The following MAP6 variants were observed in gnomAD, a reference collection of about 807,000 sequenced individuals.
MAP6 encodes the protein microtubule-associated protein 6.
Under a neutral mutation model 42.4 loss-of-function variants are expected in MAP6, and 26 were observed. That is an observed-to-expected ratio of 0.61 (90% CI 0.45 to 0.85). The LOEUF is 0.85. Among genes scored for constraint, MAP6 ranks in the 40% least tolerant of loss-of-function variants. The probability of loss-of-function intolerance (pLI) is 0.00; values close to 1 mark genes in which losing one functional copy is unlikely to be tolerated. For synonymous variants in MAP6, 418 were observed against 443.8 expected, an observed-to-expected ratio of 0.94 and a Z score of 0.73; for missense variants, 966 against 1,099.0, an observed-to-expected ratio of 0.88 and a Z score of 1.71.
intron 1 of MAP6, among the ~76,000 whole-genome samples, chr11:75,624,932 C>A (rs1310332364): frequency 6.6e-6 from 1 of 152,164 alleles, no homozygotes; most frequent in Admixed American, 6.5e-5. Flanking sequence ...ATTGAGGATG[C>A]ATCCTAGAGT....
chr11:75,611,665 T>G (rs1194455605), intron 1 of MAP6, among the ~76,000 whole-genome samples: 1 of 152,210 alleles, frequency 6.6e-6, no homozygotes, highest in South Asian at 2.1e-4. Context: ...TTCTTTGAAC[T>G]CTCCATAAAA....
At chr11:75,628,362 C>T (rs1943231251) in intron 1 of MAP6, among the ~76,000 whole-genome samples, 1 of 152,134 alleles carries the variant, frequency 6.6e-6, no homozygotes, top group Non-Finnish European at 1.5e-5. Flanking sequence ...GGGTGGGGGC[C>T]TCCAAAGAAC....
chr11:75,631,351 C>T (rs567831456), intron 1 of MAP6, among the ~76,000 whole-genome samples: 2 of 152,332 alleles, frequency 1.3e-5, no homozygotes, highest in South Asian at 2.1e-4. Context: ...TAAGCCTCAG[C>T]TTCCTCATCT....
intron 1 of MAP6, among the ~76,000 whole-genome samples, chr11:75,620,711 G>A (rs542394304): frequency 1.3e-5 from 2 of 152,198 alleles, no homozygotes; most frequent in South Asian, 2.1e-4. Context: ...TTAAACACCA[G>A]GACAAAGTAA....
chr11:75,617,631 G>A (rs979259829), intron 1 of MAP6, among the ~76,000 whole-genome samples: 2 of 151,602 alleles, frequency 1.3e-5, no homozygotes, highest in African/African-American at 4.9e-5. Flanking sequence ...GAAAAATGGT[G>A]CAAAATAAGA....
chr11:75,642,599 A>C (rs1943491199), intron 1 of MAP6: 1 of 179,850 alleles, frequency 5.6e-6, no homozygotes, highest in Admixed American at 5.7e-5. Context: ...GAAGCAAGAC[A>C]ATGAAGAGAA....
intron 1 of MAP6, among the ~76,000 whole-genome samples, chr11:75,651,631 G>A (rs773476065): frequency 1.4e-4 from 22 of 152,162 alleles, no homozygotes; most frequent in Non-Finnish European, 2.9e-4. Flanking sequence ...TGTACCTTGC[G>A]TTCTTGGTTG....
At chr11:75,589,690 G>A (rs1380415771) in intron 3 of MAP6, among the ~76,000 whole-genome samples, 17 of 152,194 alleles carry the variant, frequency 1.1e-4, no homozygotes, top group Admixed American at 1.1e-3. Flanking sequence ...AATGCAAGGT[G>A]ACTATTACTA....
At chr11:75,645,290 T>C (rs377628997) in intron 1 of MAP6, among the ~76,000 whole-genome samples, 110 of 146,222 alleles carry the variant, frequency 7.5e-4, no homozygotes, top group African/African-American at 2.8e-3. Context: ...CACGGTGTAA[T>C]GGAGTCACTG....
At chr11:75,603,088 C>G in intron 3 of MAP6, 8 of 985,712 alleles carry the variant, frequency 8.1e-6, no homozygotes, top group Non-Finnish European at 9.6e-6. Flanking sequence ...TAATTAGACA[C>G]TTCCTGTCTG....
rs1191667565 is a variant in MAP6 at position 75,604,315 on chromosome 11, TAAGA to T, written c.1316+1489_1316+1492del. 4.1e-6 allele frequency: 4 copies of T among 985,472 alleles called. No individual in the cohort carries two copies. In the East Asian group the frequency reaches 4.5e-4, roughly 112 times the overall value. 61.0% of individuals were successfully genotyped at this position (985,472 alleles called of 1,614,324 possible). A position where few individuals can be genotyped will look rare whatever the true frequency, so the allele number is the denominator to read the frequency against. On this transcript the variant is annotated intron_variant, in intron 3 of 3. Coordinates refer to ENST00000304771, the MANE Select transcript of MAP6 (RefSeq NM_033063.2). ...GACTTTGCTGCCTGAATGGTCGGAGTAAGAGAGAGTTCGTGGAGGCTCCACTTCC... is the reference window on the plus strand; with the variant it reads ...GACTTTGCTGCCTGAATGGTCGGAGTGAGAGTTCGTGGAGGCTCCACTTCC...
intron 3 of MAP6, chr11:75,604,469 G>A: frequency 1.0e-6 from 1 of 985,422 alleles, no homozygotes; most frequent in Middle Eastern, 5.2e-4. Context: ...GCAGCCCAGT[G>A]TGTCAGAATG....
intron 1 of MAP6, among the ~76,000 whole-genome samples, chr11:75,646,867 T>C (rs1943562581): frequency 6.6e-6 from 1 of 152,146 alleles, no homozygotes; most frequent in African/African-American, 2.4e-5. Flanking sequence ...AAGCATTGGG[T>C]ATAAAAATTG....
intron 1 of MAP6, among the ~76,000 whole-genome samples, chr11:75,652,133 A>G (rs969357589): frequency 1.3e-5 from 2 of 152,244 alleles, no homozygotes; most frequent in Non-Finnish European, 2.9e-5. Context: ...TAGCAATAAA[A>G]TTTTGGTGGA....
chr11:75,606,488 G>C (rs1334624192), intron 2 of MAP6, among the ~76,000 whole-genome samples: 1 of 152,170 alleles, frequency 6.6e-6, no homozygotes, highest in Non-Finnish European at 1.5e-5. Context: ...TGCCACCCAA[G>C]ACCCAGATGG....
At chr11:75,633,297 C>T (rs1445634830) in intron 1 of MAP6, among the ~76,000 whole-genome samples, 2 of 152,212 alleles carry the variant, frequency 1.3e-5, no homozygotes, top group Non-Finnish European at 2.9e-5. Context: ...GGCTAATCCT[C>T]ATATAACTTG....
At chr11:75,645,072 G>C (rs1355741345) in intron 1 of MAP6, among the ~76,000 whole-genome samples, 1 of 152,176 alleles carries the variant, frequency 6.6e-6, no homozygotes, top group Non-Finnish European at 1.5e-5. Context: ...GGCAGCTGTT[G>C]CAGCATCCAG....
chr11:75,624,231 G>C (rs937559633), intron 1 of MAP6, among the ~76,000 whole-genome samples: 9 of 152,220 alleles, frequency 5.9e-5, no homozygotes, highest in Non-Finnish European at 1.0e-4. Flanking sequence ...AATCCAGAGA[G>C]GCTTCCTCAG....
intron 1 of MAP6, among the ~76,000 whole-genome samples, chr11:75,665,221 T>C (rs1363681478): frequency 6.6e-6 from 1 of 152,210 alleles, no homozygotes; most frequent in Non-Finnish European, 1.5e-5. Flanking sequence ...ATGTGAAGCA[T>C]GGCATGTGAA....
Sources: allele counts gnomAD v4.1 joint callset (sites outside exome capture counted in the v4.1 genomes callset), GRCh38; gene constraint gnomAD v4.1.1; transcripts MANE v1.5; gene names NCBI Gene and HGNC (gene_info 2026-07-23, HGNC 2026-07-21).